The following RNF10 variants were observed in gnomAD, a reference collection of about 807,000 sequenced individuals.
RNF10 encodes ring finger protein 10.
In RNF10, 38 loss-of-function variants were observed where a neutral mutation model predicts 91.4. The observed-to-expected ratio is 0.42, with a 90% CI of 0.32 to 0.54. The LOEUF (loss-of-function observed/expected upper bound fraction) is 0.54. Among genes scored for constraint, RNF10 ranks in the 20% least tolerant of loss-of-function variants. The probability of loss-of-function intolerance (pLI) is 0.16; values close to 1 mark genes in which losing one functional copy is unlikely to be tolerated. For missense variants in RNF10, 945 were observed against 1,012.0 expected, an observed-to-expected ratio of 0.93 and a Z score of 0.90; for synonymous variants, 364 against 366.3, an observed-to-expected ratio of 0.99 and a Z score of 0.07.
At chr12:120,565,677 C>G in intron 12 of RNF10, 148 bp downstream of exon 12, 1 of 660,888 alleles carries the variant, frequency 1.5e-6, no homozygotes, top group Non-Finnish European at 2.7e-6. Context: ...AATAGGCTTG[C>G]TTGCAAATAT....
chr12:120,556,507 G>A (rs1874034621), intron 4 of RNF10, among the ~76,000 whole-genome samples: 2 of 132,730 alleles, frequency 1.5e-5, no homozygotes, highest in African/African-American at 3.0e-5. Context: ...CTCCAGCCTG[G>A]GTGACAGAGT....
intron 6 of RNF10, among the ~76,000 whole-genome samples, chr12:120,560,071 C>T (rs558211608): frequency 1.3e-5 from 2 of 151,664 alleles, no homozygotes; most frequent in South Asian, 2.1e-4. Context: ...TGAGCCACTG[C>T]GCTGGTCCAC....
intron 16 of RNF10, 44 bp from the exon 17 acceptor site, chr12:120,576,546 G>A: frequency 1.2e-6 from 2 of 1,603,528 alleles, no homozygotes; most frequent in South Asian, 1.1e-5. Flanking sequence ...AGGGGACAAG[G>A]GATGGCATTT....
chr12:120,544,095 C>A (rs1871947970), intron 1 of RNF10, among the ~76,000 whole-genome samples: 2 of 151,572 alleles, frequency 1.3e-5, no homozygotes, highest in Admixed American at 6.6e-5. Context: ...GGCGTGGTGG[C>A]TCATGCCTGT....
intron 1 of RNF10, among the ~76,000 whole-genome samples, chr12:120,537,955 A>G (rs2137121157): frequency 6.6e-6 from 1 of 152,348 alleles, no homozygotes; most frequent in South Asian, 2.1e-4. Context: ...AGCTAAGACC[A>G]GTGCTACTAC....
At chr12:120,574,713 G>A in intron 14 of RNF10, 1 of 343,046 alleles carries the variant, frequency 2.9e-6, no homozygotes, top group Non-Finnish European at 5.7e-6. Context: ...ATCACCTGAG[G>A]TCAGGAGTTC....
At chr12:120,549,347 A>G (rs925725569) in intron 2 of RNF10, among the ~76,000 whole-genome samples, 1 of 152,166 alleles carries the variant, frequency 6.6e-6, no homozygotes, top group Non-Finnish European at 1.5e-5. Flanking sequence ...TTCCAGGCAC[A>G]TGAGGGTCTA....
At chr12:120,567,413 C>T (rs1328318253) in intron 13 of RNF10, among the ~76,000 whole-genome samples, 1 of 151,816 alleles carries the variant, frequency 6.6e-6, no homozygotes, top group Non-Finnish European at 1.5e-5. Flanking sequence ...AAATGTTTCA[C>T]ACCAGAAGGC....
chr12:120,534,581 C>T lies in RNF10; in HGVS notation c.-231C>T. 9.8e-7 allele frequency: 1 copy of T among 1,020,290 alleles called. No individual in the cohort carries two copies. Among genetic ancestry groups the T allele is most frequent in the Non-Finnish European group, 1.3e-6 (1 of 782,244 alleles). 63.2% of individuals were successfully genotyped at this position (1,020,290 alleles called of 1,614,324 possible). A position where few individuals can be genotyped will look rare whatever the true frequency, so the allele number is the denominator to read the frequency against. The stretch of plus-strand genomic sequence containing the variant: ...CGCCCCGCCAGGCCCGGCCCGGACT[C>T]CCGAGCCCCGGCCTCCTCGTCCTCG... On this transcript the variant is annotated 5_prime_UTR_variant, in exon 1 of 17. Coordinates refer to ENST00000325954, the MANE Select transcript of RNF10 (RefSeq NM_014868.5).
intron 4 of RNF10, among the ~76,000 whole-genome samples, chr12:120,555,597 C>T (rs1401031588): frequency 6.6e-6 from 1 of 151,976 alleles, no homozygotes. Flanking sequence ...AAGCGATTCT[C>T]CTGCCTCAGC....
chr12:120,554,540 T>G, intron 3 of RNF10, 178 bp from the exon 4 acceptor site: 1 of 573,658 alleles, frequency 1.7e-6, no homozygotes, highest in Non-Finnish European at 3.1e-6. Context: ...TGCTGAGTCT[T>G]TGGGTTCTTT....
At chr12:120,570,221 C>G (rs901064745) in intron 13 of RNF10, 5 of 133,240 alleles carry the variant, frequency 3.8e-5, no homozygotes, top group African/African-American at 1.4e-4. Flanking sequence ...GAGTTTTGCT[C>G]TATCACCCAG....
Position 120,534,817 on chromosome 12 carries a change from G to T in RNF10, c.6G>T (p.Pro2=), listed in dbSNP as rs766434646. The T allele has an allele frequency of 3.8e-6, 6 of 1,581,074 alleles. No individual in the cohort carries two copies. Among genetic ancestry groups the T allele is most frequent in the Admixed American group, 3.6e-5 (2 of 55,658 alleles). Residue 2 remains proline (P), a synonymous_variant, in exon 1 of 17, where the codon CCG becomes CCT. Transcript: ENST00000325954. M[P]LSSPNAAATA... The stretch of plus-strand genomic sequence containing the variant: ...CGCCGCCGAGGCCCCCGTTGATGCC[G>T]CTGAGCTCCCCCAACGCCGCCGCCA...
chr12:120,575,962 G>A lies in RNF10; in HGVS notation c.2359+12G>A. On this transcript the variant is annotated intron_variant, in intron 16 of 16. Transcript: ENST00000325954. ...AGATCCCCTCTCTGGTAAGGGCAGA[G>A]GCTGGAGTGCCCAGGGTTGTCAAAC... The A allele has an allele frequency of 6.2e-7, 1 of 1,613,092 alleles. No individual in the cohort carries two copies. Among genetic ancestry groups the A allele is most frequent in the South Asian group, 1.1e-5 (1 of 91,044 alleles).
Position 120,536,088 on chromosome 12 carries a change from T to C in RNF10, c.157+1120T>C, listed in dbSNP as rs138120728. Among the ~76,000 whole-genome samples the C allele has an allele frequency of 8.5e-3, 1,299 of 152,160 alleles. 19 individuals are homozygous for C. The highest frequency in any genetic ancestry group is 0.03 in the African/African-American group (1,260 of 41,494). ...GAGGGAAATATTTGAAGTCCCTAAATGTGGAGGTCCAGTTTAAAACTTGTC... is the reference window on the plus strand; with the variant it reads ...GAGGGAAATATTTGAAGTCCCTAAACGTGGAGGTCCAGTTTAAAACTTGTC... On this transcript the variant is annotated intron_variant, in intron 1 of 16. Transcript: ENST00000325954.
At chr12:120,556,124 A>G (rs1208596403) in intron 4 of RNF10, among the ~76,000 whole-genome samples, 1 of 151,982 alleles carries the variant, frequency 6.6e-6, no homozygotes, top group East Asian at 1.9e-4. Context: ...TGTGTTTTCT[A>G]CTGAAGTTAT....
intron 3 of RNF10, 142 bp downstream of exon 3, chr12:120,552,840 C>T: frequency 2.9e-6 from 2 of 701,352 alleles, no homozygotes; most frequent in Non-Finnish European, 2.3e-6. Context: ...TTCACCACTG[C>T]CCCGCCCTTC....
intron 13 of RNF10, among the ~76,000 whole-genome samples, chr12:120,567,574 G>A (rs1293050833): frequency 6.6e-6 from 1 of 151,902 alleles, no homozygotes; most frequent in Non-Finnish European, 1.5e-5. Flanking sequence ...GGTGGCAGGC[G>A]CCTGTAGTCC....
At chr12:120,569,668 A>G (rs1876321966) in intron 13 of RNF10, among the ~76,000 whole-genome samples, 2 of 150,880 alleles carry the variant, frequency 1.3e-5, no homozygotes, top group African/African-American at 4.9e-5. Flanking sequence ...CCTCCCGAGT[A>G]GCTGGGATTA....
Sources: gnomAD v4.1 joint callset for allele counts (sites outside exome capture counted in the v4.1 genomes callset) on GRCh38, gnomAD v4.1.1 for gene constraint, MANE v1.5 for transcripts, NCBI Gene and HGNC (gene_info 2026-07-23, HGNC 2026-07-21) for gene names.